Variants in NPAS3 observed in about 807,000 individuals in gnomAD.
NPAS3 encodes the protein neuronal PAS domain protein 3, also known as neuronal PAS domain-containing protein 3.
A neutral mutation model predicts 73.1 loss-of-function variants in NPAS3; 14 were observed. The observed-to-expected ratio is 0.19, with a 90% CI of 0.13 to 0.30. The LOEUF (loss-of-function observed/expected upper bound fraction) is 0.30. NPAS3 is among the 10% of genes least tolerant of loss of function. NPAS3 has a pLI of 1.00. For synonymous variants in NPAS3, 620 were observed against 541.5 expected (o/e 1.14, Z -2.01); for missense variants, 1,096 against 1,250.0 (o/e 0.88, Z 1.86).
intron 6 of NPAS3, among the ~76,000 whole-genome samples, chr14:33,708,317 T>G (rs952707292): frequency 6.6e-6 from 1 of 152,028 alleles, no homozygotes; most frequent in Non-Finnish European, 1.5e-5. Context: ...CCCAAAACCA[T>G]GGATAAAAGG....
In NPAS3 at chr14:33,498,708, A is replaced by G. The variant is rs887715415; in HGVS notation, c.469-61413A>G. Among the ~76,000 whole-genome samples the G allele has an allele frequency of 2.7e-4, 28 of 105,164 alleles. No individual in the cohort carries two copies. In the East Asian group the frequency reaches 6.5e-3, roughly 25 times the overall value. 69.0% of individuals were successfully genotyped at this position (105,164 alleles called of 152,430 possible). The stretch of plus-strand genomic sequence containing the variant: ...CTGTTGGGGGATGGGGGGGCTAGGG[A>G]AGGGGTTAGGAGAAATACCTAATGT... On this transcript the variant is annotated intron_variant, in intron 4 of 11. Transcript: ENST00000356141.
chr14:33,208,161 A>T (rs541786856), intron 2 of NPAS3, among the ~76,000 whole-genome samples: 124 of 151,882 alleles, frequency 8.2e-4, no homozygotes, highest in African/African-American at 2.9e-3. Context: ...GTTCTGGGGG[A>T]AAATGAAGAA....
chr14:33,094,442 T>C (rs891039754), intron 2 of NPAS3, among the ~76,000 whole-genome samples: 1 of 152,136 alleles, frequency 6.6e-6, no homozygotes, highest in African/African-American at 2.4e-5. Flanking sequence ...CTGCATGTTT[T>C]ATCTTACTCA....
chr14:33,400,001 T>G (rs2047383765), intron 4 of NPAS3, among the ~76,000 whole-genome samples: 1 of 152,140 alleles, frequency 6.6e-6, no homozygotes, highest in Non-Finnish European at 1.5e-5. Context: ...ATTATCTCAC[T>G]AGCTGCTATT....
chr14:33,248,682 T>C (rs1330591997), intron 3 of NPAS3, among the ~76,000 whole-genome samples: 2 of 152,186 alleles, frequency 1.3e-5, no homozygotes, highest in Non-Finnish European at 2.9e-5. Flanking sequence ...GAGTAATAAA[T>C]AAAACTTATT....
rs1257811017 is a variant in NPAS3 at position 33,784,876 on chromosome 14, G to A, written c.1153+6304G>A. Among the ~76,000 whole-genome samples the A allele has an allele frequency of 1.3e-4, 19 of 147,172 alleles. 1 individual carries two copies. The highest frequency in any genetic ancestry group is 5.4e-4 in the Admixed American group (8 of 14,800). ...AGCAATTCTCCTGCCTCAGCCTCCC[G>A]AGTAGCTGGGATTACAGGCATGCGC... is the stretch of plus-strand genomic sequence containing the variant. On this transcript the variant is annotated intron_variant, in intron 9 of 11. Coordinates refer to ENST00000356141, the Ensembl canonical transcript of NPAS3.
intron 2 of NPAS3, among the ~76,000 whole-genome samples, chr14:33,075,260 T>C (rs989767053): frequency 3.3e-5 from 5 of 152,220 alleles, no homozygotes; most frequent in Non-Finnish European, 7.3e-5. Flanking sequence ...CTCTATATTT[T>C]TCGTCATGTT....
chr14:33,584,173 G>A (rs1269446108), intron 5 of NPAS3, among the ~76,000 whole-genome samples: 1 of 152,088 alleles, frequency 6.6e-6, no homozygotes, highest in Non-Finnish European at 1.5e-5. Context: ...CCAAACACTA[G>A]ATGTTATTTA....
At chr14:33,076,068 A>T (rs1040768774) in intron 2 of NPAS3, among the ~76,000 whole-genome samples, 2 of 152,222 alleles carry the variant, frequency 1.3e-5, no homozygotes, top group African/African-American at 4.8e-5. Flanking sequence ...GTATTAAGAA[A>T]AAAACCCATC....
rs1020498361 is a variant in NPAS3, at chr14:33,034,547, G to A, written c.51-21358G>A. Among the ~76,000 whole-genome samples the A allele has an allele frequency of 3.3e-5, 5 of 151,522 alleles. No homozygotes were observed. In the South Asian group the frequency reaches 1.0e-3, roughly 31 times the overall value. On this transcript the variant is annotated intron_variant, in intron 1 of 11. Coordinates refer to ENST00000356141, the Ensembl canonical transcript of NPAS3. ...AATACATATTTATTAATATATAGCT[G>A]TTGCTTTAGGTATTTAAAATGAAAG...
intron 2 of NPAS3, among the ~76,000 whole-genome samples, chr14:33,132,391 G>T (rs887178447): frequency 6.6e-6 from 1 of 152,150 alleles, no homozygotes; most frequent in Non-Finnish European, 1.5e-5. Flanking sequence ...TTTTCGAGTT[G>T]TCTGTGTACT....
intron 3 of NPAS3, among the ~76,000 whole-genome samples, chr14:33,310,465 C>T (rs905726237): frequency 1.2e-4 from 19 of 152,084 alleles, no homozygotes; most frequent in African/African-American, 1.7e-4. Context: ...CAGACCCTCA[C>T]GTATTGAAGA....
At chr14:33,714,151 T>A (rs930934397) in intron 6 of NPAS3, among the ~76,000 whole-genome samples, 17 of 152,166 alleles carry the variant, frequency 1.1e-4, no homozygotes, top group African/African-American at 2.7e-4. Context: ...TAAAATTTTT[T>A]AAAAAGACTA....
At chr14:33,685,962 A>G (rs2140383555) in intron 6 of NPAS3, among the ~76,000 whole-genome samples, 1 of 152,244 alleles carries the variant, frequency 6.6e-6, no homozygotes, top group African/African-American at 2.4e-5. Flanking sequence ...TAGATGTGAC[A>G]TCTTCCATTA....
At chr14:33,647,275 TC>T (rs2058858099) in intron 5 of NPAS3, among the ~76,000 whole-genome samples, 2 of 150,622 alleles carry the variant, frequency 1.3e-5, no homozygotes, top group African/African-American at 5.0e-5. Context: ...TCTTACTCTC[TC>T]TCTCTCTCTC....
At chr14:33,114,961 C>T (rs1213054523) in intron 2 of NPAS3, among the ~76,000 whole-genome samples, 1 of 151,972 alleles carries the variant, frequency 6.6e-6, no homozygotes, top group Non-Finnish European at 1.5e-5. Context: ...TAACTTCAGA[C>T]GATGGGAGAA....
intron 6 of NPAS3, among the ~76,000 whole-genome samples, chr14:33,709,812 C>T (rs1334213913): frequency 2.0e-5 from 3 of 152,154 alleles, no homozygotes; most frequent in Non-Finnish European, 4.4e-5. Context: ...ATAAGCCTGC[C>T]CTTCCTCAGG....
At chr14:33,316,273 A>G (rs988191385) in intron 3 of NPAS3, among the ~76,000 whole-genome samples, 1 of 152,104 alleles carries the variant, frequency 6.6e-6, no homozygotes, top group Non-Finnish European at 1.5e-5. Context: ...AGATTTTTTT[A>G]AAATCACGCG....
rs2063618207 is a variant in NPAS3 at position 33,799,557 on chromosome 14, G to A, written c.1427-177G>A. On this transcript the variant is annotated intron_variant, in intron 11 of 11. Coordinates refer to ENST00000356141, the Ensembl canonical transcript of NPAS3. ...AGCTAACCCAGGCCCTCAGCAGAGA[G>A]AAAGCCCAGGTCTTAAGTCCTCTGA... 4.6e-5 allele frequency among the ~76,000 whole-genome samples: 7 copies of A among 152,206 alleles called. No individual in the cohort carries two copies. The South Asian group carries it at 1.5e-3, about 32-fold the overall frequency.
Sources: allele counts gnomAD v4.1 joint callset (sites outside exome capture counted in the v4.1 genomes callset), GRCh38; gene constraint gnomAD v4.1.1; transcripts MANE v1.5; gene names NCBI Gene and HGNC (gene_info 2026-07-23, HGNC 2026-07-21).